The following WWOX variants were observed in gnomAD, a reference collection of about 807,000 sequenced individuals.
WWOX encodes the protein WW domain-containing oxidoreductase.
Under a neutral mutation model 46.2 loss-of-function variants are expected in WWOX, and 69 were observed. That is an observed-to-expected ratio of 1.49 (90% confidence interval 1.23 to 1.82). The LOEUF (loss-of-function observed/expected upper bound fraction) is 1.82, where lower values mean the gene tolerates loss of function less well. Among genes scored for constraint, WWOX ranks in the 40% most tolerant of loss-of-function variants. WWOX has a pLI of 0.00. For missense variants in WWOX, 919 were observed against 542.6 expected (o/e 1.69, Z -6.89); for synonymous variants, 359 against 202.6 (o/e 1.77, Z -6.56).
chr16:78,965,400 C>G (rs1175951671), intron 8 of WWOX, among the ~76,000 whole-genome samples: 2 of 152,064 alleles, frequency 1.3e-5, no homozygotes, highest in African/African-American at 4.8e-5. Flanking sequence ...GAAACCCCAT[C>G]TGTACTGTAA....
At chr16:79,097,631 G>C (rs117793291) in intron 8 of WWOX, among the ~76,000 whole-genome samples, 4,583 of 152,180 alleles carry the variant, frequency 0.03, 98 homozygotes, top group African/African-American at 0.051. Flanking sequence ...ATTCAACATC[G>C]TACTCCAAAG....
At chr16:79,207,862 T>C (rs2051571803) in intron 8 of WWOX, among the ~76,000 whole-genome samples, 1 of 152,186 alleles carries the variant, frequency 6.6e-6, no homozygotes, top group Non-Finnish European at 1.5e-5. Flanking sequence ...AATATGCATT[T>C]GTATTCTGTG....
intron 8 of WWOX, among the ~76,000 whole-genome samples, chr16:78,794,419 C>G (rs1258724813): frequency 1.3e-5 from 2 of 152,138 alleles, no homozygotes; most frequent in Admixed American, 6.6e-5. Context: ...TAAAAGCTAC[C>G]CAGCTTAGAT....
intron 8 of WWOX, among the ~76,000 whole-genome samples, chr16:79,018,454 A>C (rs763769533): frequency 6.6e-6 from 1 of 152,172 alleles, no homozygotes; most frequent in Non-Finnish European, 1.5e-5. Flanking sequence ...CTCTGTGCCC[A>C]TCTTGGGAGA....
chr16:78,853,595 T>G (rs2052500767), intron 8 of WWOX, among the ~76,000 whole-genome samples: 1 of 152,192 alleles, frequency 6.6e-6, no homozygotes, highest in Non-Finnish European at 1.5e-5. Context: ...TTGTATTTTC[T>G]TCTCATCAAG....
chr16:78,881,518 A>G (rs2044343329), intron 8 of WWOX, among the ~76,000 whole-genome samples: 1 of 152,232 alleles, frequency 6.6e-6, no homozygotes, highest in Non-Finnish European at 1.5e-5. Context: ...TCGGAGGGCC[A>G]ACTATTTGCC....
chr16:79,169,741 G>A (rs939526565), intron 8 of WWOX, among the ~76,000 whole-genome samples: 3 of 152,328 alleles, frequency 2.0e-5, no homozygotes, highest in Middle Eastern at 3.4e-3. Flanking sequence ...GGGATCGCCA[G>A]TGCCCAACCT....
intron 8 of WWOX, among the ~76,000 whole-genome samples, chr16:78,985,384 T>G (rs1163535348): frequency 6.6e-6 from 1 of 152,212 alleles, no homozygotes; most frequent in Non-Finnish European, 1.5e-5. Context: ...ACAGGGCTAA[T>G]AGCAGTGTCA....
chr16:78,103,139 C>T (rs565299154), intron 1 of WWOX, among the ~76,000 whole-genome samples: 1 of 152,282 alleles, frequency 6.6e-6, no homozygotes, highest in East Asian at 1.9e-4. Context: ...TCCTGAGTGG[C>T]CCCTGGCCAG....
intron 4 of WWOX, among the ~76,000 whole-genome samples, chr16:78,118,200 C>G (rs988538238): frequency 6.6e-6 from 1 of 151,750 alleles, no homozygotes; most frequent in Non-Finnish European, 1.5e-5. Context: ...CAAACTCTGT[C>G]TTGTCATCAT....
chr16:79,028,238 C>T (rs546057348), intron 8 of WWOX, among the ~76,000 whole-genome samples: 1 of 151,790 alleles, frequency 6.6e-6, no homozygotes, highest in Admixed American at 6.5e-5. Context: ...CGTGAGCCAC[C>T]ACGCCCGACT....
intron 8 of WWOX, among the ~76,000 whole-genome samples, chr16:78,724,766 T>A (rs939735966): frequency 2.6e-5 from 4 of 152,182 alleles, no homozygotes; most frequent in Admixed American, 1.3e-4. Flanking sequence ...GGAGACATTT[T>A]CTGGGGAGCA....
chr16:79,110,238 A>C (rs887832483), intron 8 of WWOX, among the ~76,000 whole-genome samples: 4 of 152,130 alleles, frequency 2.6e-5, no homozygotes, highest in Admixed American at 2.6e-4. Flanking sequence ...GGTTTGACTC[A>C]TGTGATAATT....
rs1251032480 is a variant in WWOX at position 78,401,039 on chromosome 16, C to G, written c.605+14091C>G. 3.3e-5 allele frequency among the ~76,000 whole-genome samples: 5 copies of G among 152,146 alleles called. No individual in the cohort carries two copies. The East Asian group carries it at 9.6e-4, about 29-fold the overall frequency. On this transcript the variant is annotated intron_variant, in intron 6 of 8. Transcript: ENST00000566780. Reference sequence around the variant, plus strand: ...CTCCTTGTGTTGTCCAGGCTGGTCTCAAACTTCTGGAATCAAGTGATCCTC... The same window carrying G: ...CTCCTTGTGTTGTCCAGGCTGGTCTGAAACTTCTGGAATCAAGTGATCCTC...
At chr16:78,614,465 A>C (rs1179094547) in intron 8 of WWOX, among the ~76,000 whole-genome samples, 1 of 152,224 alleles carries the variant, frequency 6.6e-6, no homozygotes, top group African/African-American at 2.4e-5. Context: ...TGAGGGCGGC[A>C]GGTCCTCTGG....
chr16:79,031,874 ATATACAGATATCTG>A (rs199999654), intron 8 of WWOX, among the ~76,000 whole-genome samples: 53,989 of 137,550 alleles, frequency 0.39, 11,650 homozygotes, highest in East Asian at 0.64. Context: ...ATAGATATCT[ATATACAGATATCTG>A]TATACAGATA....
intron 8 of WWOX, among the ~76,000 whole-genome samples, chr16:79,167,700 T>G (rs1336182802): frequency 1.6e-4 from 24 of 152,246 alleles, no homozygotes; most frequent in Admixed American, 1.6e-3. Context: ...CAAAAACCCT[T>G]GTATCCTTGT....
chr16:78,196,561 C>G (rs899544030), intron 5 of WWOX, among the ~76,000 whole-genome samples: 1 of 152,180 alleles, frequency 6.6e-6, no homozygotes, highest in African/African-American at 2.4e-5. Flanking sequence ...ATACTATTTA[C>G]AGTCGTGTGG....
intron 8 of WWOX, among the ~76,000 whole-genome samples, chr16:78,798,925 G>A (rs2050813910): frequency 6.6e-6 from 1 of 152,170 alleles, no homozygotes; most frequent in Non-Finnish European, 1.5e-5. Context: ...CTTGCTGCCA[G>A]TGGTTTTATG....
Sources: gnomAD v4.1 joint callset for allele counts (sites outside exome capture counted in the v4.1 genomes callset) on GRCh38, gnomAD v4.1.1 for gene constraint, MANE v1.5 for transcripts, NCBI Gene and HGNC (gene_info 2026-07-23, HGNC 2026-07-21) for gene names.